The following CCNY variants were observed in gnomAD, a reference collection of about 807,000 sequenced individuals.
The protein encoded by CCNY is cyclin Y, also known as cyclin-Y.
Under a neutral mutation model 42.8 loss-of-function variants are expected in CCNY, and 19 were observed. The observed-to-expected ratio is 0.44, with a 90% CI of 0.31 to 0.65. The LOEUF is 0.65. Among genes scored for constraint, CCNY ranks in the 30% least tolerant of loss-of-function variants. The probability of loss-of-function intolerance (pLI) is 0.07; values close to 1 mark genes in which losing one functional copy is unlikely to be tolerated. For missense variants in CCNY, 370 were observed against 437.3 expected (o/e 0.85, Z 1.37); for synonymous variants, 165 against 162.7 (o/e 1.01, Z -0.11).
chr10:35,278,391 C>A (rs1200166821), intron 3 of CCNY, among the ~76,000 whole-genome samples: 1 of 152,054 alleles, frequency 6.6e-6, no homozygotes, highest in African/African-American at 2.4e-5. Context: ...ACTGCTGCAG[C>A]ACCCCAGATC....
chr10:35,558,432 C>T (rs1841402639), intron 8 of CCNY, among the ~76,000 whole-genome samples: 1 of 152,204 alleles, frequency 6.6e-6, no homozygotes, highest in South Asian at 2.1e-4. Flanking sequence ...GAGACACTTT[C>T]TGTACTATAA....
At chr10:35,346,350 A>T in intron 1 of CCNY, among the ~76,000 whole-genome samples, 1 of 152,010 alleles carries the variant, frequency 6.6e-6, no homozygotes, top group South Asian at 2.1e-4. Flanking sequence ...TACTTTTTCT[A>T]GGGGCTTCCT....
intron 1 of CCNY, among the ~76,000 whole-genome samples, chr10:35,375,032 G>A (rs1837020256): frequency 6.6e-6 from 1 of 151,992 alleles, no homozygotes; most frequent in Non-Finnish European, 1.5e-5. Flanking sequence ...ATGAGTTGGG[G>A]TATGAGACTA....
chr10:35,340,424 A>G (rs557562575), intron 1 of CCNY, among the ~76,000 whole-genome samples: 29 of 152,266 alleles, frequency 1.9e-4, no homozygotes, highest in African/African-American at 6.7e-4. Flanking sequence ...AGGAGACCAA[A>G]TAAATCAGGA....
chr10:35,505,974 G>A (rs1194440199), intron 3 of CCNY, among the ~76,000 whole-genome samples: 2 of 152,176 alleles, frequency 1.3e-5, no homozygotes, highest in African/African-American at 4.8e-5. Context: ...AGGAGTCCTT[G>A]TAAAAAGGTG....
intron 1 of CCNY, among the ~76,000 whole-genome samples, chr10:35,447,589 C>A (rs978904068): frequency 3.3e-5 from 5 of 152,152 alleles, no homozygotes; most frequent in African/African-American, 1.2e-4. Flanking sequence ...TAAATACAAT[C>A]TTAATTTCTA....
intron 3 of CCNY, chr10:35,314,994 T>C (rs1027213168): frequency 6.6e-6 from 1 of 152,124 alleles, no homozygotes; most frequent in Non-Finnish European, 1.5e-5. Context: ...GGCAGGGGAA[T>C]AGCTTGAACC....
At chr10:35,365,073 G>GA (rs1836781004) in intron 1 of CCNY, among the ~76,000 whole-genome samples, 7 of 152,190 alleles carry the variant, frequency 4.6e-5, no homozygotes, top group Admixed American at 4.6e-4. Context: ...AAGTGCAAGT[G>GA]AAAGATTTCT....
At chr10:35,408,870 A>G (rs563303570) in intron 1 of CCNY, among the ~76,000 whole-genome samples, 2 of 152,194 alleles carry the variant, frequency 1.3e-5, no homozygotes, top group African/African-American at 4.8e-5. Flanking sequence ...AATGGATTCA[A>G]GTAGACAAAC....
intron 1 of CCNY, among the ~76,000 whole-genome samples, chr10:35,431,895 C>T (rs184943538): frequency 6.6e-5 from 10 of 152,160 alleles, no homozygotes; most frequent in Non-Finnish European, 1.2e-4. Flanking sequence ...TATTGTGATC[C>T]TCTGTTTTTA....
chr10:35,356,569 G>A (rs760676923), intron 1 of CCNY, among the ~76,000 whole-genome samples: 1 of 152,146 alleles, frequency 6.6e-6, no homozygotes, highest in Non-Finnish European at 1.5e-5. Context: ...GGTTGGCTGG[G>A]TGGTGCTTCT....
intron 3 of CCNY, among the ~76,000 whole-genome samples, chr10:35,310,805 C>G (rs2135085051): frequency 6.6e-6 from 1 of 152,278 alleles, no homozygotes; most frequent in South Asian, 2.1e-4. Context: ...GATTAGCTAA[C>G]ATCTTAAGTT....
At chr10:35,346,879 G>A (rs180831165) in intron 1 of CCNY, among the ~76,000 whole-genome samples, 149 of 152,276 alleles carry the variant, frequency 9.8e-4, no homozygotes, top group Admixed American at 3.9e-4. Flanking sequence ...TGCCCGCCTC[G>A]GCCTTCCAAA....
chr10:35,477,193 A>G (rs1839533665), intron 1 of CCNY, among the ~76,000 whole-genome samples: 1 of 152,152 alleles, frequency 6.6e-6, no homozygotes. Flanking sequence ...TTCACAGCCA[A>G]ATTCTACCAG....
In CCNY at chr10:35,348,535, C is replaced by T. The variant is rs941919267; in HGVS notation, c.154+11328C>T. 1.3e-4 allele frequency among the ~76,000 whole-genome samples: 20 copies of T among 152,192 alleles called. 1 individual carries two copies. The highest frequency in any genetic ancestry group is 1.0e-3 in the South Asian group (5 of 4,828). On this transcript the variant is annotated intron_variant, in intron 1 of 9. Coordinates refer to ENST00000374704, the MANE Select transcript of CCNY (RefSeq NM_145012.6). ...GGATACGACTTCGTCACTCACAGTA[C>T]GAAGCTGCCTGCAGTCTCTGGATGT...
chr10:35,480,215 C>T (rs1047495000), intron 1 of CCNY, among the ~76,000 whole-genome samples: 7 of 152,120 alleles, frequency 4.6e-5, no homozygotes, highest in African/African-American at 1.7e-4. Context: ...ACTTGTGGCC[C>T]AGGGAGCATT....
chr10:35,436,504 C>T (rs1417361283), intron 1 of CCNY, among the ~76,000 whole-genome samples: 1 of 152,112 alleles, frequency 6.6e-6, no homozygotes, highest in Non-Finnish European at 1.5e-5. Context: ...GAGCTTGGGG[C>T]CCTGCTCCAG....
Position 35,337,067 on chromosome 10 carries a change from C to G in CCNY, c.14C>G (p.Thr5Ser). The change falls in exon 1 of 10, where the codon ACC becomes AGC. Residue 5 changes from threonine to serine, a missense_variant. Coordinates refer to ENST00000374704, the MANE Select transcript of CCNY (RefSeq NM_145012.6). MGNT[T>S]SCCVSSSPKL... ...GGGCCGCCGAAGATGGGGAACACTA[C>G]CTCGTGCTGCGTGTCGTCCAGTCCC... is the stretch of plus-strand genomic sequence containing the variant. 3.8e-6 allele frequency: 6 copies of G among 1,585,734 alleles called. No individual in the cohort carries two copies. Among genetic ancestry groups the G allele is most frequent in the Non-Finnish European group, 5.1e-6 (6 of 1,167,926 alleles).
chr10:35,291,688 C>A lies in CCNY; in HGVS notation c.-9+41062C>A, dbSNP rs889370847. Among the ~76,000 whole-genome samples the A allele has an allele frequency of 1.3e-4, 19 of 151,948 alleles. 1 individual carries two copies. The highest frequency in any genetic ancestry group is 4.1e-4 in the African/African-American group (17 of 41,358). On this transcript the variant is annotated intron_variant, in intron 3 of 11. Coordinates refer to the CCNY transcript ENST00000374706. ...AGTAGCTGGCATTACAGGCACGCAC[C>A]ACCATGCCCAGCTAATTTTTGTATT...
Sources: allele counts gnomAD v4.1 joint callset (sites outside exome capture counted in the v4.1 genomes callset), GRCh38; gene constraint gnomAD v4.1.1; transcripts MANE v1.5; gene names NCBI Gene and HGNC (gene_info 2026-07-23, HGNC 2026-07-21).